Variants in OTOF observed in about 807,000 individuals in gnomAD.
OTOF encodes fer-1-like family member 2.
In OTOF, 218 loss-of-function variants were observed where a neutral mutation model predicts 236.8. The observed-to-expected ratio is 0.92, with a 90% CI of 0.82 to 1.03. OTOF has a LOEUF of 1.03. OTOF is among the 50% of genes least tolerant of loss of function. OTOF has a pLI of 0.00. For missense variants in OTOF, 2,590 were observed against 2,694.4 expected (o/e 0.96, Z 0.86); for synonymous variants, 1,041 against 1,072.5 (o/e 0.97, Z 0.57).
intron 13 of OTOF, 131 bp downstream of exon 13, chr2:26,483,331 A>G (rs1194804545): frequency 1.2e-6 from 1 of 849,624 alleles, no homozygotes; most frequent in Admixed American, 1.9e-5. Context: ...GGATCCTCTA[A>G]GTCCGTCCCT....
rs61747275 is a variant in OTOF at position 26,461,838 on chromosome 2, G to A, written c.5391C>T (p.Phe1797=). The change falls in exon 43 of 47, where the codon TTC becomes TTT. Residue 1797 remains phenylalanine (F), a synonymous_variant. Coordinates refer to ENST00000272371, the MANE Select transcript of OTOF (RefSeq NM_194248.3). This position sits in a 1 kb window ranked among gnomAD's most constrained non-coding sequence, Gnocchi z 6.2. The part of the protein sequence containing the change: ...GNFNWRYLFP[F]DYLAAEEKIV... ...TCTTCTCCTCCGCCGCCAGGTAGTC[G>A]AAGGGGAACAGGTAGCGCCAGTTGA... 17,245 of 1,614,154 alleles carry A rather than the reference G, an allele frequency of 0.011. 277 individuals are homozygous for A. The highest frequency in any genetic ancestry group is 0.047 in the Middle Eastern group (284 of 6,062).
At chr2:26,534,457 G>A (rs1667020358) in intron 2 of OTOF, among the ~76,000 whole-genome samples, 1 of 152,176 alleles carries the variant, frequency 6.6e-6, no homozygotes, top group Admixed American at 6.5e-5. Context: ...GAGACACCAT[G>A]TCCAGGCTCT....
chr2:26,505,414 CACACACACACACACACACACAG>C (rs1270286466), intron 5 of OTOF, among the ~76,000 whole-genome samples: 1 of 86,638 alleles, frequency 1.2e-5, no homozygotes, highest in Non-Finnish European at 2.1e-5. Context: ...AGGTGAGTTA[CACACACACACACACACACACAG>C]ACACACACAC....
chr2:26,459,996 GA>G lies in OTOF; in HGVS notation c.*17+11del. On this transcript the variant is annotated intron_variant, in intron 46 of 46. Transcript: ENST00000272371. The stretch of plus-strand genomic sequence containing the variant: ...GCCCTTGGTCCAGAGGAAGAAGTAA[GA>G]AATATCAGACCCAGGAGGCCACTGG... The G allele has an allele frequency of 6.4e-7, 1 of 1,555,440 alleles. No homozygotes were observed. Among genetic ancestry groups the G allele is most frequent in the Non-Finnish European group, 8.7e-7 (1 of 1,149,646 alleles).
Position 26,460,651 on chromosome 2 carries a change from G to T in OTOF, c.5809C>A (p.Pro1937Thr). The change falls in exon 45 of 47, where the codon CCC (proline) becomes ACC (threonine). Residue 1937 changes from proline to threonine, a missense_variant. This residue lies in a region of OTOF where 1,211 missense variants were observed against 1,352.8 expected (regional missense o/e 0.90). Coordinates refer to ENST00000272371, the MANE Select transcript of OTOF (RefSeq NM_194248.3). This position sits in a 1 kb window ranked among gnomAD's most constrained non-coding sequence, Gnocchi z 5.3. ...CTGGGCCGGCAGGGCACTCACTTGG[G>T]TTTCTCTAGGGGGTCAGGTTCATTG... ...ARNEPDPLEK[P>T]NRPDTSFIWF... 1 of 1,613,720 alleles carries T rather than the reference G, an allele frequency of 6.2e-7. No homozygotes were observed.
chr2:26,477,141 T>G lies in OTOF; in HGVS notation c.2523+31A>C. The G allele has an allele frequency of 6.3e-7, 1 of 1,598,034 alleles. No individual in the cohort carries two copies. Among genetic ancestry groups the G allele is most frequent in the Non-Finnish European group, 8.5e-7 (1 of 1,171,130 alleles). ...GGGGCCCCAGAGAGCCAGCCCTGGA[T>G]GAGGCAAAGCCCCGACCCCTTGGGC... On this transcript the variant is annotated intron_variant, in intron 21 of 46. Coordinates refer to ENST00000272371, the MANE Select transcript of OTOF (RefSeq NM_194248.3). This position sits in a 1 kb window ranked among gnomAD's most constrained non-coding sequence, Gnocchi z 4.7.
chr2:26,482,041 A>G (rs1665553418), intron 14 of OTOF, among the ~76,000 whole-genome samples: 1 of 152,186 alleles, frequency 6.6e-6, no homozygotes, highest in South Asian at 2.1e-4. Flanking sequence ...TAGGTATCAT[A>G]TATATATACA....
At chr2:26,527,532 AAAGCTTT>A (rs1350078173) in intron 3 of OTOF, among the ~76,000 whole-genome samples, 1 of 152,186 alleles carries the variant, frequency 6.6e-6, no homozygotes, top group Admixed American at 6.5e-5. Context: ...AGGGAGACTT[AAAGCTTT>A]AAGTCTTTAA....
chr2:26,470,586 G>A lies in OTOF; in HGVS notation c.4023+7C>T, dbSNP rs370239223. ...GTCACCTCCCCTCACCCTACCCGAGGTCTCACCTCCTTCATGGTGTCAATG... is the reference window on the plus strand; with the variant it reads ...GTCACCTCCCCTCACCCTACCCGAGATCTCACCTCCTTCATGGTGTCAATG... On this transcript the variant is annotated splice_region_variant and intron_variant, in intron 32 of 46. Coordinates refer to ENST00000272371, the MANE Select transcript of OTOF (RefSeq NM_194248.3). This position sits in a 1 kb window ranked among gnomAD's most constrained non-coding sequence, Gnocchi z 4.3. The A allele has an allele frequency of 5.0e-6, 8 of 1,614,084 alleles. No individual in the cohort carries two copies. The highest frequency in any genetic ancestry group is 6.8e-6 in the Non-Finnish European group (8 of 1,179,994).
chr2:26,526,788 T>G (rs1201080789), intron 3 of OTOF, among the ~76,000 whole-genome samples: 1 of 152,214 alleles, frequency 6.6e-6, no homozygotes, highest in Non-Finnish European at 1.5e-5. Flanking sequence ...GAGTCCTCAG[T>G]GAGCTAACAC....
rs397517943 is a variant in OTOF, at chr2:26,473,998, C to T, written c.3401G>A (p.Arg1134Gln). The change falls in exon 27 of 47, where the codon CGA becomes CAA. Residue 1134 changes from arginine (R) to glutamine (Q), a missense_variant. Physicochemically the swap from Arg to Gln is conservative, Grantham distance 43. This residue lies in a region of OTOF where 1,211 missense variants were observed against 1,352.8 expected (regional missense o/e 0.90). Transcript: ENST00000272371. This position sits in a 1 kb window ranked among gnomAD's most constrained non-coding sequence, Gnocchi z 7.2. The part of the protein sequence containing the change: ...MGIRPVLSKY[R>Q]VEVLFWGLRD... ...CACACAGAGCCCTCGCACCTCCACT[C>T]GGTACTTGCTGAGCACGGGCCGGAT... 42 of 1,612,780 alleles carry T rather than the reference C, an allele frequency of 2.6e-5. No homozygotes were observed. Among genetic ancestry groups the T allele is most frequent in the Middle Eastern group, 1.6e-4 (1 of 6,082 alleles).
intron 1 of OTOF, among the ~76,000 whole-genome samples, chr2:26,547,885 C>A (rs1667371887): frequency 6.6e-6 from 1 of 152,178 alleles, no homozygotes; most frequent in Non-Finnish European, 1.5e-5. Flanking sequence ...GCAGTGAAAT[C>A]ATCTAGATCT....
chr2:26,530,894 C>T (rs771513049), intron 2 of OTOF, among the ~76,000 whole-genome samples: 5 of 152,096 alleles, frequency 3.3e-5, no homozygotes, highest in Non-Finnish European at 5.9e-5. Context: ...CGGAGGGTGA[C>T]GGGCCTCTTG....
In OTOF at chr2:26,558,631, A is replaced by G. The variant is rs1667656544; in HGVS notation, c.-60T>C. ...GCAGCGGGAAGGAGCTAGCCGGTGG[A>G]GCACGGCTCACACGCCTCTCTCTTC... is the stretch of plus-strand genomic sequence containing the variant. On this transcript the variant is annotated 5_prime_UTR_variant, in exon 1 of 47. Transcript: ENST00000272371. The G allele has an allele frequency of 7.2e-7, 1 of 1,394,022 alleles. No individual in the cohort carries two copies. The highest frequency in any genetic ancestry group is 1.4e-5 in the African/African-American group (1 of 70,674). 86.4% of individuals were successfully genotyped at this position (1,394,022 alleles called of 1,614,324 possible).
chr2:26,487,675 C>T (rs1029087485), intron 11 of OTOF, among the ~76,000 whole-genome samples: 2 of 152,164 alleles, frequency 1.3e-5, no homozygotes, highest in Non-Finnish European at 2.9e-5. Context: ...TTTCTCCACC[C>T]CCTGACTTTC....
At chr2:26,529,482 A>G (rs962654445) in intron 2 of OTOF, among the ~76,000 whole-genome samples, 2 of 152,108 alleles carry the variant, frequency 1.3e-5, no homozygotes, top group Non-Finnish European at 2.9e-5. Context: ...TCTGTGCTCT[A>G]TAAACAAGGA....
chr2:26,551,231 C>T (rs996586749), intron 1 of OTOF, among the ~76,000 whole-genome samples: 2 of 152,158 alleles, frequency 1.3e-5, no homozygotes, highest in African/African-American at 4.8e-5. Flanking sequence ...CTCAAATGAT[C>T]CCCCCCGCCT....
At chr2:26,486,493 G>T (rs1011584031) in intron 11 of OTOF, among the ~76,000 whole-genome samples, 1 of 152,208 alleles carries the variant, frequency 6.6e-6, no homozygotes, top group Admixed American at 6.5e-5. Flanking sequence ...GGTGTGCATG[G>T]TTAGATGAAT....
intron 5 of OTOF, among the ~76,000 whole-genome samples, chr2:26,513,461 G>A (rs1195969747): frequency 6.6e-6 from 1 of 152,136 alleles, no homozygotes; most frequent in East Asian, 1.9e-4. Flanking sequence ...CCCGGGGCCT[G>A]TCTGGGCTGA....
Sources: allele counts gnomAD v4.1 joint callset (sites outside exome capture counted in the v4.1 genomes callset), GRCh38; gene constraint gnomAD v4.1.1; regional missense constraint gnomAD v4.1.1; non-coding constraint Gnocchi (gnomAD v3.1); transcripts MANE v1.5; gene names NCBI Gene and HGNC (gene_info 2026-07-23, HGNC 2026-07-21).